Variants in FRMD4A observed in about 807,000 individuals in gnomAD.
The protein encoded by FRMD4A is FERM domain-containing protein 4A.
FRMD4A carries 29 observed loss-of-function variants against 129.1 expected under a neutral mutation model. That is an observed-to-expected ratio of 0.22 (90% CI 0.17 to 0.31). The LOEUF (loss-of-function observed/expected upper bound fraction) is 0.31. FRMD4A is among the 10% of genes least tolerant of loss of function. FRMD4A has a pLI of 1.00. For missense variants in FRMD4A, 1,272 were observed against 1,375.8 expected (o/e 0.92, Z 1.19); for synonymous variants, 634 against 571.6 (o/e 1.11, Z -1.56).
intron 2 of FRMD4A, among the ~76,000 whole-genome samples, chr10:13,938,149 A>C (rs1459281762): frequency 1.3e-5 from 2 of 152,236 alleles, no homozygotes; most frequent in Non-Finnish European, 2.9e-5. Flanking sequence ...AATAGCATTG[A>C]ATGCATTTCA....
At chr10:13,959,503 GTGA>G in intron 2 of FRMD4A, among the ~76,000 whole-genome samples, 1 of 16,894 alleles carries the variant, frequency 5.9e-5, no homozygotes, top group Non-Finnish European at 7.9e-5. Context: ...AAAAAAAGCT[GTGA>G]GTGATTTTTT....
chr10:13,775,409 T>C (rs2092572187), intron 6 of FRMD4A, among the ~76,000 whole-genome samples: 2 of 152,132 alleles, frequency 1.3e-5, no homozygotes, highest in Non-Finnish European at 1.5e-5. Flanking sequence ...GCAACGCCTT[T>C]GGTATTCTGA....
intron 2 of FRMD4A, among the ~76,000 whole-genome samples, chr10:13,947,753 A>G (rs2095342768): frequency 1.3e-5 from 2 of 152,184 alleles, no homozygotes; most frequent in South Asian, 4.1e-4. Flanking sequence ...TCCTTCTGCC[A>G]TCACTTTGGA....
intron 3 of FRMD4A, among the ~76,000 whole-genome samples, chr10:13,830,320 T>C (rs79828825): frequency 0.017 from 2,627 of 152,300 alleles, 108 homozygotes; most frequent in East Asian, 0.14. Flanking sequence ...GGGCTGCTGC[T>C]TTTCCAGCCC....
intron 2 of FRMD4A, among the ~76,000 whole-genome samples, chr10:14,146,498 A>G (rs1284549316): frequency 6.6e-6 from 1 of 152,210 alleles, no homozygotes; most frequent in Admixed American, 6.5e-5. Context: ...TGTTCATCTT[A>G]CAACTGTTGA....
At chr10:13,997,399 C>T (rs554790308) in intron 2 of FRMD4A, among the ~76,000 whole-genome samples, 92 of 152,220 alleles carry the variant, frequency 6.0e-4, no homozygotes, top group Admixed American at 1.0e-3. Flanking sequence ...CTAAGAGTTT[C>T]TCTCTTTTCC....
At chr10:13,891,905 T>G (rs1347366452) in intron 2 of FRMD4A, among the ~76,000 whole-genome samples, 2 of 145,626 alleles carry the variant, frequency 1.4e-5, no homozygotes, top group Non-Finnish European at 3.0e-5. Flanking sequence ...CGCCGCATGG[T>G]GCGCCCAGCG....
At chr10:14,141,301 C>T (rs1423355632) in intron 2 of FRMD4A, among the ~76,000 whole-genome samples, 1 of 152,166 alleles carries the variant, frequency 6.6e-6, no homozygotes, top group East Asian at 1.9e-4. Flanking sequence ...GCCAAAATCT[C>T]ACAATAGGCA....
chr10:13,892,008 GACA>G (rs1393784342), intron 2 of FRMD4A, among the ~76,000 whole-genome samples: 1 of 150,444 alleles, frequency 6.6e-6, no homozygotes, highest in Non-Finnish European at 1.5e-5. Context: ...CCCGATCCTG[GACA>G]ACAATGCGCG....
At chr10:13,826,708 G>A (rs918830153) in intron 3 of FRMD4A, among the ~76,000 whole-genome samples, 1 of 152,062 alleles carries the variant, frequency 6.6e-6, no homozygotes, top group African/African-American at 2.4e-5. Context: ...TGTCGTTTTC[G>A]ATACAATTAA....
rs2134305635 is a variant in FRMD4A at position 13,646,318 on chromosome 10, ATGTTTT to A, written c.*714_*719del. ...TCCTCTTGGCCCCTCTTAATTTTTT[ATGTTTT>A]TATTTATTTTTAATCTTTGGCAGCA... On this transcript the variant is annotated 3_prime_UTR_variant, in exon 25 of 25. Coordinates refer to ENST00000357447, the MANE Select transcript of FRMD4A (RefSeq NM_018027.5). 1 of 152,558 alleles carries A rather than the reference ATGTTTT, an allele frequency of 6.6e-6. No homozygotes were observed. The highest frequency in any genetic ancestry group is 2.1e-4 in the South Asian group (1 of 4,820). The allele number at this position is 152,558 out of a possible 1,614,324, so 9.5% of individuals were successfully genotyped here.
chr10:14,200,708 G>A (rs1327009), intron 2 of FRMD4A, among the ~76,000 whole-genome samples: 152,309 of 152,318 alleles, frequency 1, 76,150 homozygotes, highest in Non-Finnish European at 1. Flanking sequence ...CTTCCATACA[G>A]TCTGCGTGGT....
intron 2 of FRMD4A, among the ~76,000 whole-genome samples, chr10:13,916,345 T>G (rs539361179): frequency 1.8e-3 from 275 of 152,322 alleles, no homozygotes; most frequent in African/African-American, 6.3e-3. Context: ...TGGATCTCAC[T>G]TTTCCTTTGC....
chr10:14,131,981 C>A (rs1266521600), intron 2 of FRMD4A, among the ~76,000 whole-genome samples: 4 of 152,196 alleles, frequency 2.6e-5, no homozygotes, highest in Admixed American at 6.5e-5. Context: ...AATTTCTTAT[C>A]CCTGACCAAA....
chr10:13,999,186 C>T (rs1362587383), intron 2 of FRMD4A, among the ~76,000 whole-genome samples: 2 of 152,066 alleles, frequency 1.3e-5, no homozygotes, highest in African/African-American at 4.8e-5. Flanking sequence ...TTGAGAGCCA[C>T]ATTATATAAC....
intron 4 of FRMD4A, among the ~76,000 whole-genome samples, chr10:13,804,528 T>C (rs1370764082): frequency 1.3e-5 from 2 of 150,174 alleles, no homozygotes; most frequent in Non-Finnish European, 3.0e-5. Flanking sequence ...GGACTTTTTC[T>C]TTCTTTCTTT....
At chr10:13,789,789 G>GTGTGTGTGTGTGT (rs71388119) in intron 5 of FRMD4A, among the ~76,000 whole-genome samples, 1 of 150,604 alleles carries the variant, frequency 6.6e-6, no homozygotes, top group Non-Finnish European at 1.5e-5. Flanking sequence ...GTGTGTGTGT[G>GTGTGTGTGTGTGT]TGTGTGTGTG....
intron 2 of FRMD4A, among the ~76,000 whole-genome samples, chr10:13,975,554 CTA>C (rs1197739915): frequency 2.0e-5 from 3 of 150,282 alleles, no homozygotes; most frequent in African/African-American, 7.4e-5. Flanking sequence ...CATTGTGTAT[CTA>C]TGTGTGTGTC....
intron 2 of FRMD4A, among the ~76,000 whole-genome samples, chr10:13,971,267 A>C (rs904156954): frequency 1.3e-5 from 2 of 152,196 alleles, no homozygotes; most frequent in Non-Finnish European, 2.9e-5. Context: ...TGGAAAGAAC[A>C]TCCTTTGTCT....
Sources: gnomAD v4.1 joint callset for allele counts (sites outside exome capture counted in the v4.1 genomes callset) on GRCh38, gnomAD v4.1.1 for gene constraint, MANE v1.5 for transcripts, NCBI Gene and HGNC (gene_info 2026-07-23, HGNC 2026-07-21) for gene names.